The following MAPK8IP3 variants were observed in gnomAD, a reference collection of about 807,000 sequenced individuals.
MAPK8IP3 encodes the protein C-Jun-amino-terminal kinase-interacting protein 3.
MAPK8IP3 carries 49 observed loss-of-function variants against 157.8 expected under a neutral mutation model. That is an observed-to-expected ratio of 0.31 (90% confidence interval 0.25 to 0.39). MAPK8IP3 has a LOEUF of 0.39. Ranked by LOEUF, MAPK8IP3 falls within the 10% of genes least tolerant of loss-of-function variation. MAPK8IP3 has a pLI of 1.00. For synonymous variants in MAPK8IP3, 897 were observed against 777.7 expected, an observed-to-expected ratio of 1.15 and a Z score of -2.55; for missense variants, 1,478 against 1,889.4, an observed-to-expected ratio of 0.78 and a Z score of 4.04.
In MAPK8IP3 at chr16:1,764,169, G is replaced by A. The variant is rs534419557; in HGVS notation, c.2080G>A (p.Val694Met). ...GCGGATGAAGAACGTGCCGGTGCCG[G>A]TGTACTGCCGCCCTCTGGTGGAGAA... ...DTRMKNVPVPVYCRPLVEKDP... is the reference protein window; with the variant it reads ...DTRMKNVPVPMYCRPLVEKDP... The change falls in exon 18 of 32, where the codon GTG (valine) becomes ATG (methionine). Residue 694 changes from valine to methionine, a missense_variant. Val to Met is a conservative substitution (Grantham distance 21, BLOSUM62 1). Around this residue, in one of 11 missense-constraint regions of MAPK8IP3, gnomAD observed 669 missense variants for 759.8 expected, o/e 0.88. Transcript: ENST00000610761. 1.9e-6 allele frequency: 3 copies of A among 1,611,818 alleles called. No homozygotes were observed. The highest frequency in any genetic ancestry group is 2.5e-6 in the Non-Finnish European group (3 of 1,179,578).
chr16:1,736,843 ACCG>A, intron 4 of MAPK8IP3, among the ~76,000 whole-genome samples: 1 of 49,812 alleles, frequency 2.0e-5, no homozygotes, highest in Non-Finnish European at 3.5e-5. Context: ...TGAGCGTGTG[ACCG>A]TCCGTGTGTG....
intron 13 of MAPK8IP3, among the ~76,000 whole-genome samples, chr16:1,762,142 C>T (rs1275694027): frequency 2.0e-5 from 3 of 152,230 alleles, no homozygotes; most frequent in Non-Finnish European, 4.4e-5. Flanking sequence ...GGCAGGATGC[C>T]GGGTCCCCTG....
At chr16:1,744,911 T>C in intron 5 of MAPK8IP3, 1 of 970,566 alleles carries the variant, frequency 1.0e-6, no homozygotes, top group Non-Finnish European at 1.2e-6. Flanking sequence ...GAAGTTTTTC[T>C]AATTTCTTAA....
chr16:1,749,225 G>A (rs541211025), intron 8 of MAPK8IP3, among the ~76,000 whole-genome samples: 4 of 152,236 alleles, frequency 2.6e-5, no homozygotes, highest in South Asian at 2.1e-4. Context: ...GGGTTACAGC[G>A]TACTCACAGG....
rs1047816925 is a variant in MAPK8IP3, at chr16:1,768,544, C to T, written c.3810C>T (p.Ala1270=). Residue 1270 remains alanine, a synonymous_variant, in exon 31 of 32, where the codon GCC becomes GCT. Transcript: ENST00000610761. ...CAGCCGAGGGCCCTGGGCCAGCTGC[C>T]CCTGCCTCGGAGGTCGAGGGCCAGA... ...DSPAEGPGPA[A]PASEVEGQKL... 4.5e-6 allele frequency: 7 copies of T among 1,565,230 alleles called. No individual in the cohort carries two copies. The African/African-American group carries it at 8.1e-5, about 18-fold the overall frequency.
chr16:1,727,947 C>T (rs557864096), intron 2 of MAPK8IP3, among the ~76,000 whole-genome samples: 26 of 152,328 alleles, frequency 1.7e-4, no homozygotes, highest in African/African-American at 3.8e-4. Flanking sequence ...GGCACCACGC[C>T]GAGGACAGGG....
chr16:1,765,842 G>C (rs1243124417), intron 20 of MAPK8IP3, 118 bp from the exon 21 acceptor site: 9 of 922,122 alleles, frequency 9.8e-6, no homozygotes, highest in Middle Eastern at 2.3e-4. Flanking sequence ...GTGGAAGCTG[G>C]GTCTGCTGGG....
rs757144391 is a variant in MAPK8IP3 at position 1,764,405 on chromosome 16, C to T, written c.2226C>T (p.Asp742=). 13 of 1,604,084 alleles carry T rather than the reference C, an allele frequency of 8.1e-6. No individual in the cohort carries two copies. Among genetic ancestry groups the T allele is most frequent in the Non-Finnish European group, 9.3e-6 (11 of 1,176,874 alleles). Residue 742 remains aspartate (D), a synonymous_variant, in exon 19 of 32, where the codon GAC becomes GAT. Transcript: ENST00000610761. ...CAGGCCGCGATCCCCTGACCTGCGA[C>T]CGCGAAGGAGACGGCGAGCCCAAGA... ...PAPGRDPLTC[D]REGDGEPKSA...
At chr16:1,759,181 C>T (rs1436733039) in intron 10 of MAPK8IP3, among the ~76,000 whole-genome samples, 186 bp downstream of exon 10, 1 of 152,172 alleles carries the variant, frequency 6.6e-6, no homozygotes. Context: ...TGGCGACTTC[C>T]CCAAGGGACA....
Position 1,743,238 on chromosome 16 carries a change from C to T in MAPK8IP3, c.603-94C>T. 4 of 1,440,620 alleles carry T rather than the reference C, an allele frequency of 2.8e-6. No individual in the cohort carries two copies. Among genetic ancestry groups the T allele is most frequent in the Non-Finnish European group, 3.6e-6 (4 of 1,104,820 alleles). The allele number at this position is 1,440,620 out of a possible 1,614,324, so 89.2% of individuals were successfully genotyped here. A position where few individuals can be genotyped will look rare whatever the true frequency, so the allele number is the denominator to read the frequency against. On this transcript the variant is annotated intron_variant, in intron 4 of 31. Transcript: ENST00000610761. The surrounding 1 kb of genome is among the most constrained non-coding windows in gnomAD (Gnocchi z 5.6). ...GCTGCTGGCTGGCATGGAGCGGCCCCATCACTCGAGGTCTGCTTGCCCTGG... is the reference window on the plus strand; with the variant it reads ...GCTGCTGGCTGGCATGGAGCGGCCCTATCACTCGAGGTCTGCTTGCCCTGG...
At chr16:1,726,490 C>A (rs964323759) in intron 2 of MAPK8IP3, among the ~76,000 whole-genome samples, 3 of 152,120 alleles carry the variant, frequency 2.0e-5, no homozygotes, top group Non-Finnish European at 4.4e-5. Flanking sequence ...GCCTGGGCAA[C>A]CTGGTGAAAC....
intron 2 of MAPK8IP3, among the ~76,000 whole-genome samples, chr16:1,726,960 G>A (rs1294895034): frequency 6.6e-6 from 1 of 152,186 alleles, no homozygotes; most frequent in Non-Finnish European, 1.5e-5. Context: ...TAACTCGTGT[G>A]CTGTGTGCAG....
rs576792239 is a variant in MAPK8IP3, at chr16:1,742,473, C to T, written c.603-859C>T. Among the ~76,000 whole-genome samples, 2 of 152,306 alleles carry T rather than the reference C, an allele frequency of 1.3e-5. No homozygotes were observed. The highest frequency in any genetic ancestry group is 2.1e-4 in the South Asian group (1 of 4,828). On this transcript the variant is annotated intron_variant, in intron 4 of 31. Coordinates refer to ENST00000610761, the MANE Select transcript of MAPK8IP3 (RefSeq NM_001318852.2). This position sits in a 1 kb window ranked among gnomAD's most constrained non-coding sequence, Gnocchi z 5.0. ...AGAGGACACGTGGGGAGGGAGAAGA[C>T]GCCCCTCAGGCTCAGGCTCCGGCTG...
chr16:1,706,788 A>T lies in MAPK8IP3; in HGVS notation c.318+131A>T. On this transcript the variant is annotated intron_variant, in intron 1 of 31. Transcript: ENST00000610761. This position sits in a 1 kb window ranked among gnomAD's most constrained non-coding sequence, Gnocchi z 5.1. ...CGGACCGCGGGACCCCTGGACCCCCAGACCCCGCCCCGAGACCCGCCTGGA... is the reference window on the plus strand; with the variant it reads ...CGGACCGCGGGACCCCTGGACCCCCTGACCCCGCCCCGAGACCCGCCTGGA... 10 of 899,204 alleles carry T rather than the reference A, an allele frequency of 1.1e-5. No homozygotes were observed. The highest frequency in any genetic ancestry group is 1.5e-5 in the Non-Finnish European group (10 of 688,958). 55.7% of individuals were successfully genotyped at this position (899,204 alleles called of 1,614,324 possible).
chr16:1,762,795 T>C, intron 15 of MAPK8IP3, 41 bp from the exon 16 acceptor site: 1 of 1,602,840 alleles, frequency 6.2e-7, no homozygotes, highest in Non-Finnish European at 8.5e-7. Flanking sequence ...GGAGGTTCCC[T>C]GGTCCTCTGC....
Position 1,768,601 on chromosome 16 carries a change from G to T in MAPK8IP3, c.3867G>T (p.Gly1289=), listed in dbSNP as rs746176802. 1.3e-6 allele frequency: 2 copies of T among 1,594,346 alleles called. No individual in the cohort carries two copies. Among genetic ancestry groups the T allele is most frequent in the South Asian group, 2.2e-5 (2 of 89,702 alleles). The stretch of plus-strand genomic sequence containing the variant: ...GGAACGTGCTGGTGCTGAGCGGCGG[G>T]GAGGGCTACATCGACTTCCGCATTG... ...KLRNVLVLSG[G]EGYIDFRIGD... Residue 1289 remains glycine (G), a synonymous_variant, in exon 31 of 32, where the codon GGG becomes GGT. Transcript: ENST00000610761.
At chr16:1,760,082 G>A (rs1055088324) in intron 11 of MAPK8IP3, 67 bp downstream of exon 11, 1 of 1,583,864 alleles carries the variant, frequency 6.3e-7, no homozygotes, top group Non-Finnish European at 8.7e-7. Flanking sequence ...GGGAGAGTGA[G>A]CCGGGCCAGA....
At chr16:1,749,179 T>C (rs139345838) in intron 8 of MAPK8IP3, among the ~76,000 whole-genome samples, 22 of 152,264 alleles carry the variant, frequency 1.4e-4, no homozygotes, top group African/African-American at 4.8e-4. Context: ...GTCGACTGTA[T>C]CATAAAATTC....
chr16:1,745,022 G>A (rs1004265949), intron 5 of MAPK8IP3: 59 of 985,210 alleles, frequency 6.0e-5, no homozygotes, highest in Non-Finnish European at 6.5e-5. Context: ...AGGAATGACC[G>A]CTAAGAGTTT....
Sources: allele counts gnomAD v4.1 joint callset (sites outside exome capture counted in the v4.1 genomes callset), GRCh38; gene constraint gnomAD v4.1.1; regional missense constraint gnomAD v4.1.1; non-coding constraint Gnocchi (gnomAD v3.1); transcripts MANE v1.5; gene names NCBI Gene and HGNC (gene_info 2026-07-23, HGNC 2026-07-21).